The following SAMSN1 variants were observed in gnomAD, a reference collection of about 807,000 sequenced individuals.
SAMSN1 encodes the protein SAM domain-containing protein SAMSN-1.
SAMSN1 carries 31 observed loss-of-function variants against 42.0 expected under a neutral mutation model. That is an observed-to-expected ratio of 0.74 (90% CI 0.55 to 1.00). The LOEUF (loss-of-function observed/expected upper bound fraction) is 1.00. SAMSN1 is among the 50% of genes least tolerant of loss of function. SAMSN1 has a pLI of 0.00. For synonymous variants in SAMSN1, 178 were observed against 151.9 expected (o/e 1.17, Z -1.26); for missense variants, 464 against 439.4 (o/e 1.06, Z -0.50).
chr21:14,615,695 GAGGC>G (rs1982816297), intron 3 of SAMSN1, among the ~76,000 whole-genome samples: 1 of 151,826 alleles, frequency 6.6e-6, no homozygotes, highest in South Asian at 2.1e-4. Context: ...TGTTTTTATG[GAGGC>G]TCCCACTTTA....
At chr21:14,547,172 A>G (rs1356918349), upstream of SAMSN1, among the ~76,000 whole-genome samples, 1 of 152,220 alleles carries the variant, frequency 6.6e-6, no homozygotes, top group Non-Finnish European at 1.5e-5. Context: ...TGTTTATCAT[A>G]TGTTACTTTT....
chr21:14,544,608 A>G (rs1324802610), intron 1 of SAMSN1, among the ~76,000 whole-genome samples: 2 of 152,290 alleles, frequency 1.3e-5, no homozygotes, highest in East Asian at 3.9e-4. Flanking sequence ...AGCATTTCCA[A>G]TGTGACCATT....
chr21:14,511,638 G>A (rs1987691989), intron 4 of SAMSN1, among the ~76,000 whole-genome samples: 1 of 152,094 alleles, frequency 6.6e-6, no homozygotes, highest in South Asian at 2.1e-4. Context: ...AACAAACTTT[G>A]CAAAAACATT....
intron 7 of SAMSN1, among the ~76,000 whole-genome samples, chr21:14,490,636 GTGT>G (rs1568761288): frequency 1.3e-5 from 2 of 152,098 alleles, no homozygotes; most frequent in African/African-American, 4.8e-5. Context: ...TGAATATTTG[GTGT>G]TCATTTCACT....
intron 2 of SAMSN1, among the ~76,000 whole-genome samples, chr21:14,575,019 C>T (rs1462062904): frequency 3.3e-5 from 5 of 151,996 alleles, no homozygotes; most frequent in African/African-American, 7.2e-5. Flanking sequence ...TCCGTTTTAC[C>T]GTTTTCTTTT....
intron 1 of SAMSN1, among the ~76,000 whole-genome samples, chr21:14,648,772 A>G (rs1983769451): frequency 6.6e-6 from 1 of 151,964 alleles, no homozygotes; most frequent in South Asian, 2.1e-4. Flanking sequence ...AGGAAACAAC[A>G]GGTGCTGGAG....
chr21:14,573,775 G>T (rs1216136006), intron 2 of SAMSN1, among the ~76,000 whole-genome samples: 1 of 152,110 alleles, frequency 6.6e-6, no homozygotes, highest in East Asian at 1.9e-4. Context: ...CCAAAGATGA[G>T]GAGGTAGAAG....
chr21:14,656,952 T>C (rs766663213), intron 1 of SAMSN1, among the ~76,000 whole-genome samples: 1 of 151,704 alleles, frequency 6.6e-6, no homozygotes, highest in Non-Finnish European at 1.5e-5. Flanking sequence ...ATTAAACCAG[T>C]GGTTTTTATT....
At chr21:14,516,450 G>A (rs1987922243) in intron 3 of SAMSN1, among the ~76,000 whole-genome samples, 1 of 152,026 alleles carries the variant, frequency 6.6e-6, no homozygotes, top group Non-Finnish European at 1.5e-5. Context: ...GAAGTTCAGT[G>A]GTGCAATCAG....
In SAMSN1 at chr21:14,576,276, A is replaced by G. The variant is rs567882342; in HGVS notation, c.261+5860T>C. 5.3e-5 allele frequency among the ~76,000 whole-genome samples: 8 copies of G among 152,240 alleles called. No individual in the cohort carries two copies. The South Asian group carries it at 1.4e-3, about 28-fold the overall frequency. ...ATAGTCAAGAAAATTAATCTGTTAG[A>G]TTAATCTGATAATGGTGTGTCATGT... On this transcript the variant is annotated intron_variant, in intron 2 of 8. Transcript: ENST00000285670.
chr21:14,587,645 C>T (rs141288906), upstream of SAMSN1, among the ~76,000 whole-genome samples: 59 of 152,224 alleles, frequency 3.9e-4, 1 homozygote, highest in East Asian at 0.01. Context: ...ATGCTAATGA[C>T]TCCCAATTTA....
chr21:14,616,122 A>G (rs1001832440), intron 2 of SAMSN1: 26 of 377,008 alleles, frequency 6.9e-5, no homozygotes, highest in African/African-American at 5.0e-4. Context: ...AGTATAATCC[A>G]AACGTAGTTC....
intron 7 of SAMSN1, among the ~76,000 whole-genome samples, chr21:14,497,183 C>T (rs989069292): frequency 4.6e-5 from 7 of 152,118 alleles, no homozygotes; most frequent in Admixed American, 2.0e-4. Flanking sequence ...AAAATGAGGG[C>T]GGTAGTGTCT....
At chr21:14,515,314 CACTT>C (rs931886725) in intron 3 of SAMSN1, among the ~76,000 whole-genome samples, 11 of 152,016 alleles carry the variant, frequency 7.2e-5, no homozygotes, top group African/African-American at 2.2e-4. Flanking sequence ...TAAGTAAACT[CACTT>C]ATTTATGATC....
chr21:14,510,479 T>C lies in SAMSN1; in HGVS notation c.410-18A>G. The C allele has an allele frequency of 6.2e-7, 1 of 1,613,862 alleles. No individual in the cohort carries two copies. Among genetic ancestry groups the C allele is most frequent in the Non-Finnish European group, 8.5e-7 (1 of 1,179,772 alleles). On this transcript the variant is annotated intron_variant, in intron 4 of 7. Transcript: ENST00000400566. Reference sequence around the variant, plus strand: ...TATGCCACCTGATGAAAGCAGAAGTTCACAGTTGTCATGGAAGACTTATAA... The same window carrying C: ...TATGCCACCTGATGAAAGCAGAAGTCCACAGTTGTCATGGAAGACTTATAA...
At chr21:14,577,236 G>GTATATATATATATATA (rs1472311400) in intron 2 of SAMSN1, among the ~76,000 whole-genome samples, 2 of 30,856 alleles carry the variant, frequency 6.5e-5, no homozygotes, top group East Asian at 1.3e-3. Flanking sequence ...ATATATATGT[G>GTATATATATATATATA]TGTATATATA....
At chr21:14,586,528 A>T (rs1425269078), upstream of SAMSN1, among the ~76,000 whole-genome samples, 1 of 152,188 alleles carries the variant, frequency 6.6e-6, no homozygotes, top group Non-Finnish European at 1.5e-5. Context: ...TTCTGGGGAT[A>T]TGGCATAGAG....
chr21:14,605,698 C>T (rs896421261), intron 5 of SAMSN1, among the ~76,000 whole-genome samples: 8 of 151,982 alleles, frequency 5.3e-5, no homozygotes, highest in Non-Finnish European at 1.0e-4. Context: ...AGGTTTCAAA[C>T]CAATGGTAAT....
intron 2 of SAMSN1, among the ~76,000 whole-genome samples, chr21:14,554,638 A>C (rs1420165474): frequency 6.6e-6 from 1 of 151,346 alleles, no homozygotes; most frequent in African/African-American, 2.4e-5. Flanking sequence ...TGGAATTTCT[A>C]TGTAAATGGG....
Sources: gnomAD v4.1 joint callset for allele counts (sites outside exome capture counted in the v4.1 genomes callset) on GRCh38, gnomAD v4.1.1 for gene constraint, MANE v1.5 for transcripts, NCBI Gene and HGNC (gene_info 2026-07-23, HGNC 2026-07-21) for gene names.